Variants in NXF1 observed in about 807,000 individuals in gnomAD.
NXF1 encodes the protein mRNA export factor TAP.
Under a neutral mutation model 92.4 loss-of-function variants are expected in NXF1, and 43 were observed. That is an observed-to-expected ratio of 0.47 (90% CI 0.36 to 0.60). The LOEUF is 0.60. NXF1 is among the 20% of genes least tolerant of loss of function. The pLI, the probability that NXF1 is intolerant of heterozygous loss-of-function variation, is 0.00. For missense variants in NXF1, 576 were observed against 793.0 expected, an observed-to-expected ratio of 0.73 and a Z score of 3.29; for synonymous variants, 288 against 292.2, an observed-to-expected ratio of 0.99 and a Z score of 0.15.
intron 18 of NXF1, 166 bp downstream of exon 18, chr11:62,794,769 C>T: frequency 1.5e-6 from 1 of 653,596 alleles, no homozygotes; most frequent in Non-Finnish European, 2.6e-6. Flanking sequence ...CCAGACGGTA[C>T]AATTCCAGAG....
At chr11:62,799,722 C>T in intron 10 of NXF1, 2 of 986,142 alleles carry the variant, frequency 2.0e-6, no homozygotes, top group Non-Finnish European at 2.4e-6. Context: ...GGGATTCCCT[C>T]GCCTGCTGGC....
intron 15 of NXF1, 52 bp from the exon 16 acceptor site, chr11:62,796,233 G>A (rs755827175): frequency 6.2e-7 from 1 of 1,612,764 alleles, no homozygotes; most frequent in Admixed American, 1.7e-5. Context: ...CCTGAGTTCT[G>A]ACTGATTCCT....
intron 19 of NXF1, among the ~76,000 whole-genome samples, chr11:62,792,966 C>T (rs976691890): frequency 6.6e-6 from 1 of 152,048 alleles, no homozygotes; most frequent in Non-Finnish European, 1.5e-5. Context: ...AGTAAAGAAA[C>T]TAAGTTGCAG....
chr11:62,803,894 C>G lies in NXF1; in HGVS notation c.113G>C (p.Arg38Pro). ...ACCAGAACCGCCTCTTCCAGACCTA[C>G]GGTTTCCTTCACCATATTTCCACCG... The part of the protein sequence containing the change: ...PFRWKYGEGN[R>P]RSGRGGSGIR... The change falls in exon 2 of 21, where the codon CGT becomes CCT. Residue 38 changes from arginine to proline, a missense_variant. Coordinates refer to ENST00000294172, the MANE Select transcript of NXF1 (RefSeq NM_006362.5). 1 of 1,614,222 alleles carries G rather than the reference C, an allele frequency of 6.2e-7. No individual in the cohort carries two copies. The highest frequency in any genetic ancestry group is 8.5e-7 in the Non-Finnish European group (1 of 1,180,038).
intron 19 of NXF1, 111 bp from the exon 20 acceptor site, chr11:62,792,812 C>T: frequency 2.4e-6 from 2 of 829,628 alleles, no homozygotes; most frequent in South Asian, 1.6e-5. Flanking sequence ...CATTCTTATA[C>T]ATCCTTGCAC....
Position 62,803,774 on chromosome 11 carries a change from G to T in NXF1, c.215+18C>A, listed in dbSNP as rs376232694. 8.1e-6 allele frequency: 13 copies of T among 1,609,548 alleles called. No individual in the cohort carries two copies. In the African/African-American group the frequency reaches 1.3e-4, roughly 17 times the overall value. ...CTCATGAGCCACTAAATTCAAACCA[G>T]ACCAACTGGTCACTCACTATCGTAC... On this transcript the variant is annotated intron_variant, in intron 2 of 20. Transcript: ENST00000294172.
At position 62,799,073 on chromosome 11, in the gene NXF1, A is replaced by G. The variant is rs2084451117; in HGVS notation, c.1017-498T>C. ...TCAGGAAGAGGAGAGGCAAAGGAAT[A>G]AGAAAGGAAAAGGAGGAAAAAGAGA... On this transcript the variant is annotated intron_variant, in intron 10 of 20. Transcript: ENST00000294172. 3.0e-6 allele frequency: 3 copies of G among 989,562 alleles called. No homozygotes were observed. In the East Asian group the frequency reaches 3.3e-4, roughly 110 times the overall value. The allele number at this position is 989,562 out of a possible 1,614,324, so 61.3% of individuals were successfully genotyped here.
At chr11:62,799,444 C>A in intron 10 of NXF1, 1 of 985,770 alleles carries the variant, frequency 1.0e-6, no homozygotes, top group Non-Finnish European at 1.2e-6. Flanking sequence ...AGGGTTCAGG[C>A]CCCTGTAGGA....
intron 4 of NXF1, 65 bp downstream of exon 4, chr11:62,802,112 G>T: frequency 6.2e-7 from 1 of 1,603,250 alleles, no homozygotes; most frequent in Non-Finnish European, 8.5e-7. Context: ...ATTACGCTGG[G>T]AGTCCAGCTT....
intron 10 of NXF1, chr11:62,799,179 AAAAGAG>A: frequency 1.0e-6 from 1 of 985,598 alleles, no homozygotes; most frequent in South Asian, 4.7e-5. Flanking sequence ...AAAGCAAAGA[AAAAGAG>A]AAAGAACTAC....
intron 19 of NXF1, among the ~76,000 whole-genome samples, chr11:62,793,529 T>C (rs1461429367): frequency 1.3e-5 from 2 of 151,854 alleles, no homozygotes; most frequent in African/African-American, 4.8e-5. Context: ...ACAAAAAAAT[T>C]AGCCAGGTGC....
rs887868872 is a variant in NXF1 at position 62,797,890 on chromosome 11, G to A, written c.1054-504C>T. ...CACCTGTAATCCCAGCACACTGGGA[G>A]GCCAAGGTGGATGGATTAGTTGAGG... On this transcript the variant is annotated intron_variant, in intron 11 of 20. Transcript: ENST00000294172. Among the ~76,000 whole-genome samples the A allele has an allele frequency of 4.2e-4, 64 of 152,136 alleles. 2 individuals carry two copies. Among genetic ancestry groups the A allele is most frequent in the Non-Finnish European group, 7.3e-5 (5 of 68,028 alleles).
At chr11:62,798,919 G>A in intron 10 of NXF1, 1 of 1,103,800 alleles carries the variant, frequency 9.1e-7, no homozygotes, top group Non-Finnish European at 1.1e-6. Flanking sequence ...AGGGAATGGG[G>A]TGGGAGCCCA....
chr11:62,798,564 T>C lies in NXF1; in HGVS notation c.1028A>G (p.Glu343Gly), dbSNP rs770769357. 1 of 1,614,150 alleles carries C rather than the reference T, an allele frequency of 6.2e-7. No homozygotes were observed. The highest frequency in any genetic ancestry group is 8.5e-7 in the Non-Finnish European group (1 of 1,180,016). The change falls in exon 11 of 21, where the codon GAA becomes GGA. Residue 343 changes from glutamate (E) to glycine (G), a missense_variant. Coordinates refer to ENST00000294172, the MANE Select transcript of NXF1 (RefSeq NM_006362.5). ...CAGGCGTAGTAACTTGGGAAATCGT[T>C]CGCGAATGGCGCTGTCAAGAACGGG... ...DQSTYISAIR[E>G]RFPKLLRLDG...
chr11:62,804,237 GA>G, intron 1 of NXF1: 1 of 1,453,492 alleles, frequency 6.9e-7, no homozygotes, highest in South Asian at 1.2e-5. Context: ...GCAGGATGTA[GA>G]AATGTGAGAC....
intron 7 of NXF1, 25 bp from the exon 8 acceptor site, chr11:62,801,442 A>T (rs1031156948): frequency 6.2e-7 from 1 of 1,613,326 alleles, no homozygotes; most frequent in Non-Finnish European, 8.5e-7. Context: ...AGGGAAGGAA[A>T]GGGAAGACTG....
intron 1 of NXF1, among the ~76,000 whole-genome samples, chr11:62,804,759 A>C (rs1285813425): frequency 1.3e-5 from 2 of 152,108 alleles, no homozygotes; most frequent in Admixed American, 6.5e-5. Context: ...TCCCCTCCCC[A>C]CACACACTCT....
chr11:62,798,810 C>G, intron 10 of NXF1: 2 of 1,348,436 alleles, frequency 1.5e-6, no homozygotes, highest in Non-Finnish European at 9.5e-7. Context: ...CCCTGAGTGT[C>G]AAGGAGCAGT....
Position 62,805,247 on chromosome 11 carries a change from C to G in NXF1, c.28+82G>C, listed in dbSNP as rs574442552. On this transcript the variant is annotated intron_variant, in intron 1 of 20. Transcript: ENST00000294172. ...GGACGCCGGGCCCCTAGCGGCCTCACGCCCCGGGGGCTGAGGCCTAGGCCG... is the reference window on the plus strand; with the variant it reads ...GGACGCCGGGCCCCTAGCGGCCTCAGGCCCCGGGGGCTGAGGCCTAGGCCG... The G allele has an allele frequency of 2.1e-6, 3 of 1,400,248 alleles. No homozygotes were observed. In the South Asian group the frequency reaches 4.8e-5, roughly 23 times the overall value. 86.7% of individuals were successfully genotyped at this position (1,400,248 alleles called of 1,614,324 possible).
Sources: allele counts gnomAD v4.1 joint callset (sites outside exome capture counted in the v4.1 genomes callset), GRCh38; gene constraint gnomAD v4.1.1; transcripts MANE v1.5; gene names NCBI Gene and HGNC (gene_info 2026-07-23, HGNC 2026-07-21).